Variants in SHE observed in about 807,000 individuals in gnomAD.
The protein encoded by SHE is SH2 domain-containing adapter protein E.
SHE carries 11 observed loss-of-function variants against 49.8 expected under a neutral mutation model. The observed-to-expected ratio is 0.22, with a 90% CI of 0.14 to 0.37. The LOEUF is 0.37. Ranked by LOEUF, SHE falls within the 10% of genes least tolerant of loss-of-function variation. The pLI is 1.00. For missense variants in SHE, 624 were observed against 655.5 expected (o/e 0.95, Z 0.52); for synonymous variants, 310 against 278.1 (o/e 1.11, Z -1.14).
Position 154,480,157 on chromosome 1 carries a change from C to G in SHE, c.*3992G>C. 1 of 985,410 alleles carries G rather than the reference C, an allele frequency of 1.0e-6. No individual in the cohort carries two copies. Among genetic ancestry groups the G allele is most frequent in the Non-Finnish European group, 1.2e-6 (1 of 829,934 alleles). 61.0% of individuals were successfully genotyped at this position (985,410 alleles called of 1,614,324 possible). A position where few individuals can be genotyped will look rare whatever the true frequency, so the allele number is the denominator to read the frequency against. ...GAAATGAGAATACAGAAGAGTGATT[C>G]TAACCAGGTCATAAGGCCAAACTAG... On this transcript the variant is annotated 3_prime_UTR_variant, in exon 6 of 6. Transcript: ENST00000304760.
At chr1:154,473,421 G>A (rs1020607811) in intron 1 of SHE, among the ~76,000 whole-genome samples, 10 of 152,000 alleles carry the variant, frequency 6.6e-5, no homozygotes, top group Non-Finnish European at 1.3e-4. Context: ...GCTGCAGTGA[G>A]CCGTGATAGT....
At chr1:154,476,585 T>C (rs903787051), downstream of SHE, among the ~76,000 whole-genome samples, 6 of 151,774 alleles carry the variant, frequency 4.0e-5, no homozygotes, top group East Asian at 5.8e-4. Flanking sequence ...TGAGCCACGA[T>C]TGCATCACTG....
Position 154,480,241 on chromosome 1 carries a change from G to A in SHE, c.*3908C>T, listed in dbSNP as rs773793923. 3.0e-6 allele frequency: 3 copies of A among 985,366 alleles called. No individual in the cohort carries two copies. Among genetic ancestry groups the A allele is most frequent in the South Asian group, 9.4e-5 (2 of 21,296 alleles). The allele number at this position is 985,366 out of a possible 1,614,324, so 61.0% of individuals were successfully genotyped here. ...AACGAGAGATCTGTGAAGGGTTTCA[G>A]TGCAATCCTGCTGAGTGTCAAGGGG... On this transcript the variant is annotated 3_prime_UTR_variant, in exon 6 of 6. Coordinates refer to ENST00000304760, the MANE Select transcript of SHE (RefSeq NM_001010846.3).
chr1:154,489,466 G>A (rs201325958), intron 2 of SHE, 110 bp from the exon 3 acceptor site: 8 of 1,328,888 alleles, frequency 6.0e-6, no homozygotes, highest in Non-Finnish European at 8.3e-6. Context: ...ACCTCTGTCT[G>A]TCTGGGTGAA....
At chr1:154,492,318 C>T (rs1333641658) in intron 2 of SHE, among the ~76,000 whole-genome samples, 2 of 152,140 alleles carry the variant, frequency 1.3e-5, no homozygotes, top group Non-Finnish European at 2.9e-5. Flanking sequence ...TAAAAATCCC[C>T]CAGGTGATTC....
chr1:154,490,883 A>T (rs1295433130), intron 2 of SHE, among the ~76,000 whole-genome samples: 1 of 152,160 alleles, frequency 6.6e-6, no homozygotes, highest in Non-Finnish European at 1.5e-5. Flanking sequence ...AGAGTAAATC[A>T]AAAAGGTATA....
chr1:154,473,917 G>A (rs1691814570), intron 1 of SHE, among the ~76,000 whole-genome samples: 1 of 152,196 alleles, frequency 6.6e-6, no homozygotes, highest in East Asian at 1.9e-4. Context: ...ATTCTCACCT[G>A]TTTACAGATG....
At chr1:154,474,530 CAG>C (rs1042931373), downstream of SHE, among the ~76,000 whole-genome samples, 51 of 152,170 alleles carry the variant, frequency 3.4e-4, no homozygotes, top group African/African-American at 1.2e-3. Context: ...ATTTTTTAGA[CAG>C]AGTCTTGCTC....
Position 154,470,621 on chromosome 1 carries a change from CTT to C in SHE, c.103-261_103-260del, listed in dbSNP as rs552155220. 2.6e-3 allele frequency among the ~76,000 whole-genome samples: 397 copies of C among 152,268 alleles called. 2 individuals carry two copies. Among genetic ancestry groups the C allele is most frequent in the Non-Finnish European group, 4.4e-3 (299 of 68,022 alleles). On this transcript the variant is annotated intron_variant, in intron 1 of 1. Transcript: ENST00000486773. ...TTGGGAGGCTGAGGTGGGTGGATCACTTGAGGTCAGGAGTTCGAGACCAGCCT... is the reference window on the plus strand; with the variant it reads ...TTGGGAGGCTGAGGTGGGTGGATCACGAGGTCAGGAGTTCGAGACCAGCCT...
chr1:154,483,255 T>C lies in SHE; in HGVS notation c.*894A>G, dbSNP rs547030900. ...AGAGATTGAGAGAACACACACTTTC[T>C]TGGAAAGGCTGACCAACAAAATAAT... On this transcript the variant is annotated 3_prime_UTR_variant, in exon 6 of 6. Coordinates refer to ENST00000304760, the MANE Select transcript of SHE (RefSeq NM_001010846.3). 6.0e-5 allele frequency: 59 copies of C among 985,434 alleles called. No individual in the cohort carries two copies. The highest frequency in any genetic ancestry group is 5.2e-4 in the Middle Eastern group (1 of 1,914). The allele number at this position is 985,434 out of a possible 1,614,324, so 61.0% of individuals were successfully genotyped here.
At chr1:154,496,752 GAA>G (rs67052410) in intron 2 of SHE, among the ~76,000 whole-genome samples, 2 of 147,676 alleles carry the variant, frequency 1.4e-5, no homozygotes, top group Admixed American at 1.3e-4. Context: ...GGAATTACAT[GAA>G]AAAAAAAACA....
chr1:154,480,073 A>G lies in SHE; in HGVS notation c.*4076T>C, dbSNP rs1340118878. ...AGCGGTGGAGGGTAAGTTGAACAGA[A>G]GGCCCACTGCACAGCAGGCCAAGTT... On this transcript the variant is annotated 3_prime_UTR_variant, in exon 6 of 6. Coordinates refer to ENST00000304760, the MANE Select transcript of SHE (RefSeq NM_001010846.3). The G allele has an allele frequency of 2.0e-6, 2 of 985,402 alleles. No individual in the cohort carries two copies. Among genetic ancestry groups the G allele is most frequent in the Non-Finnish European group, 2.4e-6 (2 of 829,954 alleles). The allele number at this position is 985,402 out of a possible 1,614,324, so 61.0% of individuals were successfully genotyped here.
intron 1 of SHE, chr1:154,470,502 G>T: frequency 1.2e-6 from 1 of 857,154 alleles, no homozygotes; most frequent in Middle Eastern, 2.7e-4. Context: ...AACAGTGTTT[G>T]CCATCCTCCA....
intron 5 of SHE, 104 bp downstream of exon 5, chr1:154,485,839 C>G: frequency 1.4e-6 from 2 of 1,404,268 alleles, no homozygotes. Context: ...TTCTGCAATG[C>G]ACACCCCTGT....
intron 1 of SHE, among the ~76,000 whole-genome samples, chr1:154,499,880 A>C (rs1692652893): frequency 6.6e-6 from 1 of 152,136 alleles, no homozygotes; most frequent in Non-Finnish European, 1.5e-5. Flanking sequence ...TTTGATCCCT[A>C]TCTGGGATCC....
At chr1:154,472,798 C>T (rs1691775944) in intron 1 of SHE, among the ~76,000 whole-genome samples, 1 of 152,202 alleles carries the variant, frequency 6.6e-6, no homozygotes, top group African/African-American at 2.4e-5. Flanking sequence ...AGTACACCAA[C>T]TGGCCTTACT....
rs1490503657 is a variant in SHE at position 154,502,140 on chromosome 1, GC to G, written c.-115del. The stretch of plus-strand genomic sequence containing the variant: ...GGGTGGGGTTCTCACGGCTCGGGGC[GC>G]CGAGCGGGCGGGCGCTAGCCTCTGC... On this transcript the variant is annotated 5_prime_UTR_variant, in exon 1 of 6. Coordinates refer to ENST00000304760, the MANE Select transcript of SHE (RefSeq NM_001010846.3). 1 of 854,164 alleles carries G rather than the reference GC, an allele frequency of 1.2e-6. No homozygotes were observed. Among genetic ancestry groups the G allele is most frequent in the Non-Finnish European group, 1.5e-6 (1 of 659,564 alleles). The allele number at this position is 854,164 out of a possible 1,614,324, so 52.9% of individuals were successfully genotyped here. A position where few individuals can be genotyped will look rare whatever the true frequency, so the allele number is the denominator to read the frequency against.
chr1:154,475,840 A>ATC (rs1256829811), downstream of SHE, among the ~76,000 whole-genome samples: 3 of 152,014 alleles, frequency 2.0e-5, no homozygotes, highest in Non-Finnish European at 4.4e-5. Flanking sequence ...TAGTGGCACA[A>ATC]TCTCAGCTAA....
chr1:154,479,057 G>A (rs114400018), downstream of SHE, among the ~76,000 whole-genome samples: 464 of 152,178 alleles, frequency 3.0e-3, 2 homozygotes, highest in Non-Finnish European at 5.2e-3. Flanking sequence ...AAATCACCTG[G>A]TACAATTTTT....
Sources: allele counts gnomAD v4.1 joint callset (sites outside exome capture counted in the v4.1 genomes callset), GRCh38; gene constraint gnomAD v4.1.1; transcripts MANE v1.5; gene names NCBI Gene and HGNC (gene_info 2026-07-23, HGNC 2026-07-21).